KLF8: variants seen among roughly 807,000 people sequenced by gnomAD.
KLF8 encodes the protein KLF transcription factor 8.
Under a neutral mutation model 18.2 loss-of-function variants are expected in KLF8, and 10 were observed. That is an observed-to-expected ratio of 0.55 (90% CI 0.34 to 0.93). The LOEUF (loss-of-function observed/expected upper bound fraction) is 0.93, where lower values mean the gene tolerates loss of function less well. Among genes scored for constraint, KLF8 ranks in the 40% least tolerant of loss-of-function variants. The pLI is 0.02. For missense variants in KLF8, 264 were observed against 277.9 expected, an observed-to-expected ratio of 0.95 and a Z score of 0.36; for synonymous variants, 109 against 97.3, an observed-to-expected ratio of 1.12 and a Z score of -0.71.
At chrX:55,955,400 A>G in the KLF8 span, among the ~76,000 whole-genome samples, 1 of 111,514 alleles carries the variant, frequency 9.0e-6, no homozygotes, top group Non-Finnish European at 1.9e-5. Flanking sequence ...GTAAGCAAAT[A>G]TAAAGATTTC....
intron 2 of KLF8, 55 bp from the exon 3 acceptor site, chrX:56,265,125 C>G: frequency 1.8e-6 from 2 of 1,101,341 alleles, no homozygotes; most frequent in African/African-American, 1.8e-5. Flanking sequence ...GCTTGCATGT[C>G]TCTTCAGGGT....
the KLF8 span, among the ~76,000 whole-genome samples, chrX:55,957,434 T>C: frequency 8.9e-6 from 1 of 112,034 alleles, no homozygotes; most frequent in Non-Finnish European, 1.9e-5. Flanking sequence ...AAAACTACTG[T>C]TGGGATTTTT....
the KLF8 span, chrX:55,961,715 A>G: frequency 5.2e-6 from 2 of 384,742 alleles, no homozygotes; most frequent in Admixed American, 6.4e-5. Flanking sequence ...GGATGCTGGC[A>G]TGCAGCTACA....
the KLF8 span, among the ~76,000 whole-genome samples, chrX:56,084,531 A>T: frequency 7.1e-5 from 8 of 112,430 alleles, no homozygotes; most frequent in African/African-American, 9.7e-5. Flanking sequence ...ATTTTAATCA[A>T]AACATATAAT....
the KLF8 span, among the ~76,000 whole-genome samples, chrX:56,203,624 G>A: frequency 8.9e-6 from 1 of 112,111 alleles, no homozygotes; most frequent in Non-Finnish European, 1.9e-5. Context: ...AAAGGGGTCT[G>A]GTTTCATTCT....
Position 56,233,009 on chromosome X carries a change from AGG to A in KLF8, c.-321_-320del, listed in dbSNP as rs1321453150. 3.2e-6 allele frequency: 1 copy of A among 316,400 alleles called. No individual in the cohort carries two copies. The highest frequency in any genetic ancestry group is 5.6e-6 in the Non-Finnish European group (1 of 178,037). The allele number at this position is 316,400 out of a possible 1,213,427, so 26.1% of individuals were successfully genotyped here. ...TTATTTTTGTCCAAGGAAAAGCTGC[AGG>A]GGGGAGGATTCTTTTTAGGAAGTCT... On this transcript the variant is annotated 5_prime_UTR_variant, in exon 1 of 6. Transcript: ENST00000468660.
chrX:56,107,016 A>G, the KLF8 span, among the ~76,000 whole-genome samples: 2 of 111,856 alleles, frequency 1.8e-5, no homozygotes, highest in African/African-American at 6.5e-5. Flanking sequence ...ATGACTCCAG[A>G]TCCTGTGCAC....
At chrX:56,201,336 T>A in the KLF8 span, among the ~76,000 whole-genome samples, 1 of 112,023 alleles carries the variant, frequency 8.9e-6, no homozygotes, top group East Asian at 2.8e-4. Flanking sequence ...GAGGATAAGA[T>A]GCTATGTTAA....
chrX:56,095,714 T>C, the KLF8 span, among the ~76,000 whole-genome samples: 1 of 111,533 alleles, frequency 9.0e-6, no homozygotes, highest in Admixed American at 9.5e-5. Flanking sequence ...TCAACATCAC[T>C]AATCATCAGA....
chrX:56,282,029 T>G (rs762745824), intron 5 of KLF8, among the ~76,000 whole-genome samples: 1 of 112,718 alleles, frequency 8.9e-6, no homozygotes, highest in Non-Finnish European at 1.9e-5. Context: ...TATATAGGAA[T>G]TCTCAGAAGA....
the KLF8 span, among the ~76,000 whole-genome samples, chrX:56,075,050 T>G: frequency 9.0e-6 from 1 of 110,946 alleles, no homozygotes; most frequent in African/African-American, 3.3e-5. Context: ...AATCACATCA[T>G]GGAAAATAGA....
the KLF8 span, among the ~76,000 whole-genome samples, chrX:56,094,624 C>G: frequency 6.3e-5 from 7 of 111,140 alleles, no homozygotes; most frequent in Non-Finnish European, 1.1e-4. Context: ...TAATTGATAT[C>G]TATAAAATAC....
At chrX:56,184,012 C>G in the KLF8 span, among the ~76,000 whole-genome samples, 2 of 111,541 alleles carry the variant, frequency 1.8e-5, no homozygotes, top group South Asian at 3.8e-4. Flanking sequence ...GAGTGCCAGA[C>G]AGTTGGCACA....
chrX:56,070,663 G>A, the KLF8 span, among the ~76,000 whole-genome samples: 1 of 110,964 alleles, frequency 9.0e-6, no homozygotes, highest in African/African-American at 3.3e-5. Context: ...GGCCTGTTGA[G>A]TGGGGGCAAG....
At chrX:56,194,845 G>A in the KLF8 span, among the ~76,000 whole-genome samples, 57 of 112,033 alleles carry the variant, frequency 5.1e-4, no homozygotes, top group Non-Finnish European at 1.0e-3. Flanking sequence ...ACCCCTCTGG[G>A]ACAAAGCTTC....
chrX:56,060,426 G>A, the KLF8 span, among the ~76,000 whole-genome samples: 2 of 111,864 alleles, frequency 1.8e-5, no homozygotes, highest in Non-Finnish European at 1.9e-5. Flanking sequence ...GGCCTTTTCT[G>A]CATCTATTGA....
At chrX:55,940,820 A>G in the KLF8 span, among the ~76,000 whole-genome samples, 2 of 111,702 alleles carry the variant, frequency 1.8e-5, no homozygotes, top group Non-Finnish European at 3.8e-5. Context: ...CTTGCAAGGG[A>G]TGTGAAGGAC....
At chrX:56,013,193 G>T in the KLF8 span, among the ~76,000 whole-genome samples, 1 of 112,759 alleles carries the variant, frequency 8.9e-6, no homozygotes, top group Non-Finnish European at 1.9e-5. Flanking sequence ...GATTATTTTG[G>T]AACTTTAAGG....
chrX:56,101,094 G>A, the KLF8 span, among the ~76,000 whole-genome samples: 1 of 111,159 alleles, frequency 9.0e-6, no homozygotes, highest in Non-Finnish European at 1.9e-5. Flanking sequence ...TAACCAATAG[G>A]TAGTTTTTCA....
Sources: allele counts gnomAD v4.1 joint callset (sites outside exome capture counted in the v4.1 genomes callset), GRCh38; gene constraint gnomAD v4.1.1; transcripts MANE v1.5; gene names NCBI Gene and HGNC (gene_info 2026-07-23, HGNC 2026-07-21).